Variants in PRKG1 observed in about 807,000 individuals in gnomAD.
The protein encoded by PRKG1 is cGMP-dependent protein kinase 1.
In PRKG1, 35 loss-of-function variants were observed where a neutral mutation model predicts 88.1. The observed-to-expected ratio is 0.40, with a 90% CI of 0.30 to 0.53. PRKG1 has a LOEUF of 0.53. Among genes scored for constraint, PRKG1 ranks in the 20% least tolerant of loss-of-function variants. The probability of loss-of-function intolerance (pLI) is 0.59; values close to 1 mark genes in which losing one functional copy is unlikely to be tolerated. For missense variants in PRKG1, 540 were observed against 839.8 expected, an observed-to-expected ratio of 0.64 and a Z score of 4.41; for synonymous variants, 303 against 292.5, an observed-to-expected ratio of 1.04 and a Z score of -0.37.
chr10:51,286,396 G>A (rs879624772), intron 2 of PRKG1, among the ~76,000 whole-genome samples: 12 of 152,038 alleles, frequency 7.9e-5, no homozygotes, highest in Non-Finnish European at 1.3e-4. Flanking sequence ...ACTATGAATC[G>A]TCCCTTTTTC....
At chr10:51,349,378 G>T (rs574169866) in intron 2 of PRKG1, among the ~76,000 whole-genome samples, 2 of 152,050 alleles carry the variant, frequency 1.3e-5, no homozygotes, top group African/African-American at 4.8e-5. Flanking sequence ...CATTATATTT[G>T]CCAAAATCCT....
At chr10:51,695,045 AT>A (rs924794534) in intron 3 of PRKG1, among the ~76,000 whole-genome samples, 2 of 151,966 alleles carry the variant, frequency 1.3e-5, no homozygotes, top group Admixed American at 6.6e-5. Context: ...TCTTAATGGG[AT>A]TTTTTCCCCC....
At chr10:51,988,908 A>G (rs1281599386) in intron 5 of PRKG1, among the ~76,000 whole-genome samples, 1 of 152,068 alleles carries the variant, frequency 6.6e-6, no homozygotes, top group Admixed American at 6.6e-5. Context: ...TAAATCTTTT[A>G]TGTTGTTGCC....
intron 9 of PRKG1, among the ~76,000 whole-genome samples, chr10:52,239,848 A>T (rs1329497130): frequency 6.6e-6 from 1 of 152,154 alleles, no homozygotes; most frequent in African/African-American, 2.4e-5. Context: ...AAAAGACAAG[A>T]CATTGAGTTG....
intron 2 of PRKG1, among the ~76,000 whole-genome samples, chr10:51,243,269 T>C (rs1839201575): frequency 6.6e-6 from 1 of 152,172 alleles, no homozygotes; most frequent in Non-Finnish European, 1.5e-5. Context: ...AAGGACTATT[T>C]ACATGTGGAC....
chr10:51,556,893 G>A (rs75278178), intron 3 of PRKG1, among the ~76,000 whole-genome samples: 10,491 of 152,020 alleles, frequency 0.069, 1,180 homozygotes, highest in African/African-American at 0.24. Context: ...AAATTATAAA[G>A]AAAACATATT....
At chr10:51,370,418 G>C (rs556366960) in intron 2 of PRKG1, among the ~76,000 whole-genome samples, 1 of 151,912 alleles carries the variant, frequency 6.6e-6, no homozygotes, top group African/African-American at 2.4e-5. Context: ...GGAGGCTGGA[G>C]GTTGAAAATA....
chr10:51,725,627 T>A (rs1842112586), intron 3 of PRKG1, among the ~76,000 whole-genome samples: 1 of 97,486 alleles, frequency 1.0e-5, no homozygotes, highest in Non-Finnish European at 2.2e-5. Context: ...TTTTTTCTTT[T>A]CTTTTTTTTT....
chr10:51,964,134 G>C (rs1001524046), intron 5 of PRKG1, among the ~76,000 whole-genome samples: 1 of 152,242 alleles, frequency 6.6e-6, no homozygotes, highest in Middle Eastern at 3.4e-3. Flanking sequence ...TTCCGTTGTC[G>C]TGTATCCTTT....
rs533679729 is a variant in PRKG1 at position 51,640,540 on chromosome 10, A to C, written c.593-164045A>C. On this transcript the variant is annotated intron_variant, in intron 3 of 17. Coordinates refer to ENST00000373980, the MANE Select transcript of PRKG1 (RefSeq NM_006258.4). ...ATAAAGGATTGACCAACACTAACAC[A>C]CTGGTTATCTTTCTCATTTGTCCTT... 1.1e-4 allele frequency among the ~76,000 whole-genome samples: 16 copies of C among 152,280 alleles called. No homozygotes were observed. In the South Asian group the frequency reaches 3.1e-3, roughly 30 times the overall value.
chr10:51,860,884 T>A (rs762357321), intron 4 of PRKG1, among the ~76,000 whole-genome samples: 4 of 152,098 alleles, frequency 2.6e-5, no homozygotes, highest in African/African-American at 4.8e-5. Context: ...ATGGTTCAGC[T>A]CAGTAGCTGA....
At chr10:51,632,918 C>T (rs2132283856) in intron 3 of PRKG1, among the ~76,000 whole-genome samples, 1 of 152,166 alleles carries the variant, frequency 6.6e-6, no homozygotes, top group South Asian at 2.1e-4. Context: ...TGCTTTGAGC[C>T]CTTAGTATTT....
At chr10:51,656,919 C>T (rs987025559) in intron 3 of PRKG1, among the ~76,000 whole-genome samples, 1 of 152,130 alleles carries the variant, frequency 6.6e-6, no homozygotes, top group Non-Finnish European at 1.5e-5. Flanking sequence ...AGCTTCGTGA[C>T]TATGAATCTT....
At chr10:51,988,735 AT>A (rs1844226750) in intron 5 of PRKG1, among the ~76,000 whole-genome samples, 1 of 151,444 alleles carries the variant, frequency 6.6e-6, no homozygotes, top group Non-Finnish European at 1.5e-5. Context: ...GATTGGTAAA[AT>A]TTTTTTCTTT....
chr10:51,498,851 G>GT (rs992912536), intron 3 of PRKG1, among the ~76,000 whole-genome samples: 2 of 149,796 alleles, frequency 1.3e-5, no homozygotes, highest in South Asian at 2.1e-4. Context: ...CTTTCTTCAT[G>GT]TTTTTTTCCT....
In PRKG1 at chr10:52,258,009, T is replaced by C. The variant is rs182282793; in HGVS notation, c.1173+6343T>C. Among the ~76,000 whole-genome samples, 257 of 139,768 alleles carry C rather than the reference T, an allele frequency of 1.8e-3. 51 individuals are homozygous for C. The highest frequency in any genetic ancestry group is 3.0e-3 in the Non-Finnish European group (184 of 61,802). 91.7% of individuals were successfully genotyped at this position (139,768 alleles called of 152,430 possible). ...CTTCATCTCATTATTGTAGAATAAATTTCTTTTGTACATTGATAATTATAA... is the reference window on the plus strand; with the variant it reads ...CTTCATCTCATTATTGTAGAATAAACTTCTTTTGTACATTGATAATTATAA... On this transcript the variant is annotated intron_variant, in intron 10 of 17. Transcript: ENST00000373980.
intron 1 of PRKG1, among the ~76,000 whole-genome samples, chr10:51,032,043 C>CT (rs1213287487): frequency 1.3e-5 from 2 of 152,166 alleles, no homozygotes; most frequent in African/African-American, 2.4e-5. Context: ...TTCTGCTTCA[C>CT]TGAAGTTGAG....
chr10:51,981,175 T>C (rs1290968541), intron 5 of PRKG1, among the ~76,000 whole-genome samples: 1 of 152,108 alleles, frequency 6.6e-6, no homozygotes, highest in Non-Finnish European at 1.5e-5. Flanking sequence ...CTTTTAAGCA[T>C]GTCTGGTGAT....
At chr10:52,254,025 T>G (rs1240688167) in intron 10 of PRKG1, among the ~76,000 whole-genome samples, 1 of 152,038 alleles carries the variant, frequency 6.6e-6, no homozygotes, top group Non-Finnish European at 1.5e-5. Context: ...TGCCACTTAC[T>G]AATTGCCTGA....
Sources: allele counts gnomAD v4.1 joint callset (sites outside exome capture counted in the v4.1 genomes callset), GRCh38; gene constraint gnomAD v4.1.1; transcripts MANE v1.5; gene names NCBI Gene and HGNC (gene_info 2026-07-23, HGNC 2026-07-21).